The following CNBD1 variants were observed in gnomAD, a reference collection of about 807,000 sequenced individuals.
CNBD1 encodes cyclic nucleotide-binding domain-containing protein 1.
In CNBD1, 71 loss-of-function variants were observed where a neutral mutation model predicts 54.4. The ratio of observed to expected loss-of-function variants is 1.30; its 90% confidence interval spans 1.08 to 1.59. The LOEUF (loss-of-function observed/expected upper bound fraction) is 1.59. CNBD1 is among the 40% of genes most tolerant of loss of function. The probability of loss-of-function intolerance (pLI) is 0.00; values close to 1 mark genes in which losing one functional copy is unlikely to be tolerated. For synonymous variants in CNBD1, 182 were observed against 170.7 expected, an observed-to-expected ratio of 1.07 and a Z score of -0.51; for missense variants, 659 against 518.0, an observed-to-expected ratio of 1.27 and a Z score of -2.64.
At position 87,182,259 on chromosome 8, in the gene CNBD1, G is replaced by T. The variant is rs1813367438; in HGVS notation, c.432-23734G>T. On this transcript the variant is annotated intron_variant, in intron 4 of 10. Transcript: ENST00000518476. The surrounding 1 kb of genome is among the most constrained non-coding windows in gnomAD (Gnocchi z 4.1). ...TTTTATGGCTGCATAGTATTCCATG[G>T]TGTATATATACCATATTTTCTTTAT... Among the ~76,000 whole-genome samples, 1 of 152,020 alleles carries T rather than the reference G, an allele frequency of 6.6e-6. No homozygotes were observed. Among genetic ancestry groups the T allele is most frequent in the Non-Finnish European group, 1.5e-5 (1 of 68,000 alleles).
chr8:87,162,339 T>C (rs1812874986), intron 4 of CNBD1, among the ~76,000 whole-genome samples: 1 of 152,158 alleles, frequency 6.6e-6, no homozygotes, highest in South Asian at 2.1e-4. Context: ...AGCTTTGTGA[T>C]GGTAAAATTG....
chr8:87,007,672 A>G (rs1345761464), intron 4 of CNBD1, among the ~76,000 whole-genome samples: 1 of 152,136 alleles, frequency 6.6e-6, no homozygotes, highest in Non-Finnish European at 1.5e-5. Flanking sequence ...ACTTCAGTGG[A>G]ATTAGAACAC....
intron 4 of CNBD1, among the ~76,000 whole-genome samples, chr8:87,098,346 TAG>T (rs1429543867): frequency 6.6e-6 from 1 of 152,194 alleles, no homozygotes; most frequent in African/African-American, 2.4e-5. Flanking sequence ...GTGAACAAAA[TAG>T]AGAGGTAGCC....
At chr8:87,384,741 C>T (rs1563580825), downstream of CNBD1, among the ~76,000 whole-genome samples, 2 of 151,812 alleles carry the variant, frequency 1.3e-5, no homozygotes, top group African/African-American at 4.8e-5. Flanking sequence ...AATAATATGA[C>T]ATTATACCTC....
At chr8:87,271,912 A>T in intron 6 of CNBD1, among the ~76,000 whole-genome samples, 1 of 152,040 alleles carries the variant, frequency 6.6e-6, no homozygotes, top group East Asian at 1.9e-4. Context: ...ACACAATGGA[A>T]TGTTAATCAG....
intron 6 of CNBD1, among the ~76,000 whole-genome samples, chr8:87,247,430 T>A (rs994649148): frequency 6.6e-6 from 1 of 152,146 alleles, no homozygotes; most frequent in South Asian, 2.1e-4. Context: ...ATGTCAGAAA[T>A]CCCAATGTTC....
chr8:87,387,465 G>C (rs2130965556), downstream of CNBD1, among the ~76,000 whole-genome samples: 1 of 152,232 alleles, frequency 6.6e-6, no homozygotes, highest in Admixed American at 6.5e-5. Flanking sequence ...TCTAGTCTCT[G>C]ATAAAACAGA....
chr8:87,019,585 A>G (rs1282776464), intron 4 of CNBD1, among the ~76,000 whole-genome samples: 1 of 152,154 alleles, frequency 6.6e-6, no homozygotes, highest in East Asian at 1.9e-4. Flanking sequence ...CCAGAGGAAA[A>G]GATTAAATTT....
At chr8:86,998,079 T>G (rs2130539999) in intron 4 of CNBD1, among the ~76,000 whole-genome samples, 1 of 152,282 alleles carries the variant, frequency 6.6e-6, no homozygotes, top group Admixed American at 6.5e-5. Flanking sequence ...TGATTCTTGT[T>G]ACTTGCAACC....
chr8:87,170,969 G>T (rs1283194466), intron 4 of CNBD1, among the ~76,000 whole-genome samples: 1 of 151,950 alleles, frequency 6.6e-6, no homozygotes, highest in Non-Finnish European at 1.5e-5. Context: ...TGGTCTGTAG[G>T]TTTTTTTGTG....
intron 4 of CNBD1, among the ~76,000 whole-genome samples, chr8:87,187,410 G>A (rs1461321696): frequency 6.7e-6 from 1 of 150,200 alleles, no homozygotes; most frequent in Non-Finnish European, 1.5e-5. Flanking sequence ...TTTATATGAG[G>A]ATAGAGCATA....
intron 4 of CNBD1, among the ~76,000 whole-genome samples, chr8:87,002,964 T>C (rs1045849229): frequency 6.6e-6 from 1 of 152,180 alleles, no homozygotes; most frequent in Non-Finnish European, 1.5e-5. Context: ...ATTTCTTCCC[T>C]AGAAAAGATG....
chr8:87,400,300 C>A (rs1274328127), intron 2 of CNBD1, among the ~76,000 whole-genome samples: 2 of 151,932 alleles, frequency 1.3e-5, no homozygotes, highest in Non-Finnish European at 2.9e-5. Context: ...TGATTTACAA[C>A]TGAGAAGATT....
At chr8:87,062,805 C>T (rs1810572216) in intron 4 of CNBD1, among the ~76,000 whole-genome samples, 2 of 151,622 alleles carry the variant, frequency 1.3e-5, no homozygotes, top group African/African-American at 4.9e-5. Flanking sequence ...TAATGTGAGC[C>T]ATGGGGCTTT....
chr8:87,278,175 A>G (rs936002003), intron 6 of CNBD1, among the ~76,000 whole-genome samples: 2 of 151,556 alleles, frequency 1.3e-5, no homozygotes, highest in African/African-American at 4.8e-5. Context: ...AGAAAAGAAC[A>G]TAACTTAGAT....
downstream of CNBD1, among the ~76,000 whole-genome samples, chr8:87,385,739 T>A (rs1204300164): frequency 1.3e-5 from 2 of 152,150 alleles, no homozygotes; most frequent in Admixed American, 6.5e-5. Flanking sequence ...CAGACTTAAA[T>A]GTCCCTGTCT....
intron 4 of CNBD1, among the ~76,000 whole-genome samples, chr8:86,976,772 T>G (rs73271749): frequency 0.02 from 3,027 of 152,086 alleles, 94 homozygotes; most frequent in African/African-American, 0.067. Flanking sequence ...TCTAAATATT[T>G]CATTTTATTT....
At chr8:87,255,868 G>T (rs1246936633) in intron 6 of CNBD1, among the ~76,000 whole-genome samples, 1 of 147,940 alleles carries the variant, frequency 6.8e-6, no homozygotes, top group Non-Finnish European at 1.5e-5. Flanking sequence ...TGAGCATGGT[G>T]CTTAATAGGA....
At chr8:86,925,730 C>CAA (rs71275895) in intron 3 of CNBD1, among the ~76,000 whole-genome samples, 8,136 of 141,376 alleles carry the variant, frequency 0.058, 264 homozygotes, top group African/African-American at 0.091. Flanking sequence ...AAAAAAATAC[C>CAA]AAAAAAAAAA....
Sources: gnomAD v4.1 joint callset for allele counts (sites outside exome capture counted in the v4.1 genomes callset) on GRCh38, gnomAD v4.1.1 for gene constraint, Gnocchi (gnomAD v3.1) non-coding constraint, MANE v1.5 for transcripts, NCBI Gene and HGNC (gene_info 2026-07-23, HGNC 2026-07-21) for gene names.